ZNF112: variants seen among roughly 807,000 people sequenced by gnomAD.
ZNF112 encodes the protein zinc finger protein 112 (Y14).
ZNF112 carries 37 observed loss-of-function variants against 77.7 expected under a neutral mutation model. The observed-to-expected ratio is 0.48, with a 90% confidence interval of 0.37 to 0.63. The LOEUF (loss-of-function observed/expected upper bound fraction) is 0.63. ZNF112 is among the 20% of genes least tolerant of loss of function. ZNF112 has a pLI of 0.00. For synonymous variants in ZNF112, 333 were observed against 363.6 expected, an observed-to-expected ratio of 0.92 and a Z score of 0.96; for missense variants, 950 against 1,077.4, an observed-to-expected ratio of 0.88 and a Z score of 1.66.
chr19:44,356,868 C>G (rs1436004941), upstream of ZNF112, among the ~76,000 whole-genome samples: 1 of 152,182 alleles, frequency 6.6e-6, no homozygotes, highest in Non-Finnish European at 1.5e-5. Flanking sequence ...AAGCTGAGAG[C>G]CTGGATGATA....
chr19:44,365,717 G>A (rs1391227664), intron 1 of ZNF112, among the ~76,000 whole-genome samples: 1 of 151,414 alleles, frequency 6.6e-6, no homozygotes, highest in Non-Finnish European at 1.5e-5. Context: ...CCTGATTTTT[G>A]TTTTCTTCTT....
intron 1 of ZNF112, among the ~76,000 whole-genome samples, chr19:44,351,029 A>G (rs1405013345): frequency 6.6e-6 from 1 of 152,072 alleles, no homozygotes; most frequent in Non-Finnish European, 1.5e-5. Context: ...CTTGGGTTAA[A>G]GTCAAGGTGT....
chr19:44,347,257 C>T (rs923950143), intron 1 of ZNF112, among the ~76,000 whole-genome samples: 2 of 152,040 alleles, frequency 1.3e-5, no homozygotes, highest in African/African-American at 4.8e-5. Flanking sequence ...CACTTTCAAA[C>T]TATTTATGTC....
upstream of ZNF112, among the ~76,000 whole-genome samples, chr19:44,358,044 C>G (rs538140596): frequency 6.6e-6 from 1 of 151,182 alleles, no homozygotes; most frequent in Non-Finnish European, 1.5e-5. Flanking sequence ...CCCAGCTACT[C>G]GGGAGGCTGA....
Position 44,329,694 on chromosome 19 carries a change from G to A in ZNF112, c.463C>T (p.His155Tyr). The A allele has an allele frequency of 5.6e-6, 9 of 1,614,002 alleles. No homozygotes were observed. Among genetic ancestry groups the A allele is most frequent in the East Asian group, 4.5e-5 (2 of 44,876 alleles). ...ISEDKNYIFT[H>Y]IGNGSNYIKS... ...ATATAATTGGAGCCATTCCCTATAT[G>A]AGTGAATATATAGTTCTTATCTTCA... Residue 155 changes from histidine to tyrosine, a missense_variant, in exon 4 of 4, where the codon CAT becomes TAT. By Grantham distance (83) the His-to-Tyr change is moderately conservative. Around this residue, in one of 3 missense-constraint regions of ZNF112, gnomAD observed 560 missense variants for 557.3 expected, o/e 1.00. Transcript: ENST00000354340.
chr19:44,349,298 A>G lies in ZNF112; in HGVS notation c.-4+7328T>C, dbSNP rs529194787. Reference sequence around the variant, plus strand: ...TTAATTGAACAGCATTTCAAGTAACATATGTATTGCTGTACCACAACATTT... The same window carrying G: ...TTAATTGAACAGCATTTCAAGTAACGTATGTATTGCTGTACCACAACATTT... On this transcript the variant is annotated intron_variant, in intron 1 of 3. Transcript: ENST00000354340. Among the ~76,000 whole-genome samples the G allele has an allele frequency of 2.5e-3, 379 of 152,200 alleles. 3 individuals carry two copies. Among genetic ancestry groups the G allele is most frequent in the African/African-American group, 8.7e-3 (360 of 41,544 alleles).
intron 3 of ZNF112, among the ~76,000 whole-genome samples, chr19:44,332,718 A>G (rs1970292908): frequency 6.6e-6 from 1 of 152,242 alleles, no homozygotes; most frequent in Non-Finnish European, 1.5e-5. Flanking sequence ...TTTCAATGCA[A>G]ATTAGTACAT....
intron 3 of ZNF112, among the ~76,000 whole-genome samples, chr19:44,336,197 C>G (rs1221284099): frequency 6.6e-6 from 1 of 152,198 alleles, no homozygotes; most frequent in African/African-American, 2.4e-5. Context: ...AGGCATCCAT[C>G]AGATGAGAAA....
intron 3 of ZNF112, among the ~76,000 whole-genome samples, chr19:44,334,739 C>T (rs1341942747): frequency 2.6e-5 from 4 of 152,264 alleles, no homozygotes; most frequent in Admixed American, 6.5e-5. Flanking sequence ...GCCTTGGCAG[C>T]TTCCACGTAC....
chr19:44,340,488 G>A lies in ZNF112; in HGVS notation c.52C>T (p.Leu18=). The change falls in exon 2 of 4, where the codon CTG becomes TTG. Residue 18 remains leucine (L), a synonymous_variant. Transcript: ENST00000354340. The stretch of plus-strand genomic sequence containing the variant: ...AGCTTCCTCTGGACAGAGTCCAGCA[G>A]CCCCAGCTCCTCCTCAGTGAAGACC... ...AVVFTEEELG[L]LDSVQRKLYR... The A allele has an allele frequency of 6.2e-7, 1 of 1,614,044 alleles. No homozygotes were observed.
intron 1 of ZNF112, among the ~76,000 whole-genome samples, chr19:44,341,937 G>A (rs572920090): frequency 6.6e-6 from 1 of 152,300 alleles, no homozygotes; most frequent in African/African-American, 2.4e-5. Flanking sequence ...CAAGTGATAT[G>A]CCTGAAACTC....
upstream of ZNF112, among the ~76,000 whole-genome samples, chr19:44,357,032 T>C (rs1970799094): frequency 6.6e-6 from 1 of 152,208 alleles, no homozygotes; most frequent in Non-Finnish European, 1.5e-5. Flanking sequence ...TCTCTGACCC[T>C]GTGGATCTTC....
intron 3 of ZNF112, among the ~76,000 whole-genome samples, chr19:44,335,008 C>T (rs1022342975): frequency 6.6e-6 from 1 of 152,216 alleles, no homozygotes; most frequent in African/African-American, 2.4e-5. Flanking sequence ...CAACAGCTTC[C>T]ACCACGTGCC....
chr19:44,352,593 G>C (rs996834854), intron 1 of ZNF112, among the ~76,000 whole-genome samples: 10 of 151,976 alleles, frequency 6.6e-5, no homozygotes, highest in African/African-American at 2.4e-4. Context: ...TGTCTCTGTG[G>C]AAAATCCCAA....
At chr19:44,340,093 T>C (rs577169071) in intron 2 of ZNF112, among the ~76,000 whole-genome samples, 14 of 80,608 alleles carry the variant, frequency 1.7e-4, no homozygotes, top group African/African-American at 6.9e-4. Context: ...TATTTACAAA[T>C]ATAATGTTTT....
intron 1 of ZNF112, among the ~76,000 whole-genome samples, chr19:44,342,509 T>C (rs1310227017): frequency 2.0e-5 from 3 of 152,064 alleles, no homozygotes; most frequent in African/African-American, 7.2e-5. Flanking sequence ...TAAAAGCTTG[T>C]GAGTTGGAAA....
rs1208647778 is a variant in ZNF112 at position 44,328,560 on chromosome 19, C to T, written c.1597G>A (p.Val533Ile). The T allele has an allele frequency of 6.2e-7, 1 of 1,604,432 alleles. No individual in the cohort carries two copies. The highest frequency in any genetic ancestry group is 2.3e-5 in the East Asian group (1 of 44,296). The change falls in exon 4 of 4, where the codon GTT becomes ATT. Residue 533 changes from valine to isoleucine, a missense_variant. By Grantham distance (29) the Val-to-Ile change is conservative (BLOSUM62 3). Around this residue, in one of 3 missense-constraint regions of ZNF112, gnomAD observed 373 missense variants for 482.8 expected, o/e 0.77. Coordinates refer to ENST00000354340, the MANE Select transcript of ZNF112 (RefSeq NM_013380.4). ...ICGKGFNHRS[V>I]LNVHQRVHTG... ...TGGACTCTCTGATGAACATTCAGAA[C>T]TGATCTATGATTGAAACCTTTGCCG...
At chr19:44,334,257 T>C (rs963994120) in intron 3 of ZNF112, among the ~76,000 whole-genome samples, 1 of 152,170 alleles carries the variant, frequency 6.6e-6, no homozygotes, top group Non-Finnish European at 1.5e-5. Flanking sequence ...GTGGAATAAA[T>C]TTCTAAGCAG....
intron 1 of ZNF112, chr19:44,367,024 A>C: frequency 2.2e-6 from 1 of 454,834 alleles, no homozygotes; most frequent in East Asian, 7.0e-5. Flanking sequence ...CACAAAATAC[A>C]AGAGATCCTC....
Sources: gnomAD v4.1 joint callset for allele counts (sites outside exome capture counted in the v4.1 genomes callset) on GRCh38, gnomAD v4.1.1 for gene constraint, gnomAD v4.1.1 regional missense constraint, MANE v1.5 for transcripts, NCBI Gene and HGNC (gene_info 2026-07-23, HGNC 2026-07-21) for gene names.